COPG2: variants seen among roughly 807,000 people sequenced by gnomAD.
The protein encoded by COPG2 is coatomer subunit gamma-2.
COPG2 carries 37 observed loss-of-function variants against 46.3 expected under a neutral mutation model. The observed-to-expected ratio is 0.80, with a 90% CI of 0.61 to 1.05. The LOEUF is 1.05. COPG2 is among the 50% of genes least tolerant of loss of function. The pLI, the probability that COPG2 is intolerant of heterozygous loss-of-function variation, is 0.00. For missense variants in COPG2, 427 were observed against 387.8 expected (o/e 1.10, Z -0.85); for synonymous variants, 159 against 129.7 (o/e 1.23, Z -1.53).
At chr7:130,549,791 TTTTG>T (rs1440850164) in intron 17 of COPG2, among the ~76,000 whole-genome samples, 2 of 145,692 alleles carry the variant, frequency 1.4e-5, no homozygotes, top group Non-Finnish European at 3.0e-5. Context: ...TTATGACTTC[TTTTG>T]TTTTTGTTTT....
chr7:130,641,120 G>A (rs1795456177), intron 5 of COPG2, among the ~76,000 whole-genome samples: 1 of 144,408 alleles, frequency 6.9e-6, no homozygotes, highest in African/African-American at 2.5e-5. Context: ...TGAGAGGACT[G>A]CTTGAGGTCA....
intron 9 of COPG2, among the ~76,000 whole-genome samples, chr7:130,598,657 T>TA (rs782304118): frequency 1.2e-4 from 18 of 152,188 alleles, no homozygotes; most frequent in Non-Finnish European, 2.5e-4. Context: ...CATGAGGCCC[T>TA]AACTGGGCCA....
intron 9 of COPG2, among the ~76,000 whole-genome samples, chr7:130,595,803 AC>A (rs373536247): frequency 0.21 from 29,448 of 142,952 alleles, 3,024 homozygotes; most frequent in Middle Eastern, 0.26. Context: ...GCATTTGGGG[AC>A]CCCCCCCCTC....
chr7:130,523,750 C>G (rs1799748051), intron 20 of COPG2, among the ~76,000 whole-genome samples: 1 of 151,032 alleles, frequency 6.6e-6, no homozygotes, highest in Non-Finnish European at 1.5e-5. Context: ...CGGGTGAGAG[C>G]AGAGAGCAGG....
At chr7:130,573,924 A>G (rs1366354776) in intron 9 of COPG2, among the ~76,000 whole-genome samples, 1 of 152,206 alleles carries the variant, frequency 6.6e-6, no homozygotes, top group Non-Finnish European at 1.5e-5. Flanking sequence ...ATTTTGGAAA[A>G]TAGTTTGGCA....
At chr7:130,562,850 T>C (rs1300744754) in intron 11 of COPG2, among the ~76,000 whole-genome samples, 1 of 152,236 alleles carries the variant, frequency 6.6e-6, no homozygotes, top group African/African-American at 2.4e-5. Flanking sequence ...AGGGCTGCTG[T>C]AGACCAGCAC....
intron 20 of COPG2, chr7:130,509,191 A>C: frequency 4.3e-6 from 2 of 462,514 alleles, no homozygotes; most frequent in South Asian, 3.2e-5. Flanking sequence ...CCTTCAGCCT[A>C]AAGTGAGTAG....
chr7:130,543,999 T>G (rs1793385129), intron 20 of COPG2, among the ~76,000 whole-genome samples: 1 of 152,194 alleles, frequency 6.6e-6, no homozygotes, highest in Admixed American at 6.5e-5. Flanking sequence ...TTCAATGGGT[T>G]AGACTGCAGG....
rs556980501 is a variant in COPG2, at chr7:130,629,323, T to G, written c.324-12258A>C. Among the ~76,000 whole-genome samples the G allele has an allele frequency of 3.3e-5, 5 of 152,092 alleles. No individual in the cohort carries two copies. The South Asian group carries it at 1.0e-3, about 32-fold the overall frequency. Reference sequence around the variant, plus strand: ...GCATTTTGTTGTCTGTAATTAATTTTGGGGAAAAAAATGGCCATTATTACC... The same window carrying G: ...GCATTTTGTTGTCTGTAATTAATTTGGGGGAAAAAAATGGCCATTATTACC... On this transcript the variant is annotated intron_variant, in intron 5 of 23. Coordinates refer to ENST00000425248, the MANE Select transcript of COPG2 (RefSeq NM_012133.6).
chr7:130,570,682 C>CCA (rs1166982734), intron 9 of COPG2, among the ~76,000 whole-genome samples: 22 of 151,402 alleles, frequency 1.5e-4, no homozygotes, highest in African/African-American at 2.2e-4. Context: ...CTTCACAGAA[C>CCA]CACACACACA....
intron 9 of COPG2, among the ~76,000 whole-genome samples, chr7:130,589,874 T>G (rs1794361343): frequency 6.6e-6 from 1 of 152,220 alleles, no homozygotes; most frequent in South Asian, 2.1e-4. Context: ...TCTTTTCTCC[T>G]GATTTGTAAG....
chr7:130,612,071 G>C (rs975146361), intron 8 of COPG2, 81 bp downstream of exon 8: 57 of 954,018 alleles, frequency 6.0e-5, no homozygotes, highest in Middle Eastern at 4.1e-4. Context: ...TGTTTATCTA[G>C]GGAATCGATA....
intron 9 of COPG2, among the ~76,000 whole-genome samples, chr7:130,578,645 G>C (rs1246955031): frequency 1.3e-5 from 2 of 152,090 alleles, no homozygotes; most frequent in African/African-American, 2.4e-5. Flanking sequence ...ATACAGAGAA[G>C]TGCTTAAAGG....
At chr7:130,518,024 G>T (rs1314207854) in intron 20 of COPG2, among the ~76,000 whole-genome samples, 3 of 152,168 alleles carry the variant, frequency 2.0e-5, no homozygotes, top group Non-Finnish European at 4.4e-5. Flanking sequence ...AGTCTTGATG[G>T]GAAGTTTTTT....
At chr7:130,511,843 C>T (rs542140334) in intron 20 of COPG2, 13 of 519,436 alleles carry the variant, frequency 2.5e-5, no homozygotes, top group South Asian at 1.5e-4. Context: ...AGCAGACTAG[C>T]TCTTAAAGCT....
At chr7:130,654,528 T>C (rs1320288716) in intron 4 of COPG2, among the ~76,000 whole-genome samples, 1 of 152,170 alleles carries the variant, frequency 6.6e-6, no homozygotes, top group Non-Finnish European at 1.5e-5. Context: ...AATGATGGCA[T>C]AGAATATATT....
At chr7:130,614,959 C>CA (rs1554452654) in intron 6 of COPG2, among the ~76,000 whole-genome samples, 1 of 152,070 alleles carries the variant, frequency 6.6e-6, no homozygotes, top group East Asian at 1.9e-4. Context: ...TAGGCATATC[C>CA]AAACTCCAAT....
chr7:130,558,284 T>C (rs1793663585), intron 12 of COPG2, among the ~76,000 whole-genome samples: 3 of 151,988 alleles, frequency 2.0e-5, no homozygotes, highest in African/African-American at 7.3e-5. Context: ...GTTCTTGTGA[T>C]AGTAAGTTCT....
chr7:130,530,239 A>T (rs995058232), intron 20 of COPG2, among the ~76,000 whole-genome samples: 2 of 152,196 alleles, frequency 1.3e-5, no homozygotes, highest in Admixed American at 1.3e-4. Context: ...GCAGATGGGC[A>T]GGCACGATGG....
Sources: gnomAD v4.1 joint callset for allele counts (sites outside exome capture counted in the v4.1 genomes callset) on GRCh38, gnomAD v4.1.1 for gene constraint, MANE v1.5 for transcripts, NCBI Gene and HGNC (gene_info 2026-07-23, HGNC 2026-07-21) for gene names.